Variants in LAS1L observed in about 807,000 individuals in gnomAD.
The protein encoded by LAS1L is LAS1 like ribosome biogenesis factor, also known as ribosomal biogenesis protein LAS1L.
LAS1L carries 5 observed loss-of-function variants against 57.3 expected under a neutral mutation model. That is an observed-to-expected ratio of 0.09 (90% CI 0.05 to 0.18). The LOEUF is 0.18. Among genes scored for constraint, LAS1L ranks in the 10% least tolerant of loss-of-function variants. LAS1L has a pLI of 1.00. For synonymous variants in LAS1L, 245 were observed against 231.7 expected, an observed-to-expected ratio of 1.06 and a Z score of -0.52; for missense variants, 360 against 568.3, an observed-to-expected ratio of 0.63 and a Z score of 3.73.
chrX:65,534,267 C>A (rs985056236), intron 1 of LAS1L, among the ~76,000 whole-genome samples: 36 of 112,303 alleles, frequency 3.2e-4, no homozygotes, highest in Non-Finnish European at 6.4e-4. Flanking sequence ...ACAGATATAA[C>A]AAGAGAATTG....
intron 6 of LAS1L, among the ~76,000 whole-genome samples, chrX:65,528,901 C>T (rs1348952555): frequency 8.9e-6 from 1 of 112,167 alleles, no homozygotes; most frequent in African/African-American, 3.2e-5. Flanking sequence ...TCTTGGGCCC[C>T]ATCTACTGGT....
chrX:65,514,420 C>T (rs1027358941), intron 13 of LAS1L, among the ~76,000 whole-genome samples: 1 of 110,538 alleles, frequency 9.0e-6, no homozygotes, highest in Non-Finnish European at 1.9e-5. Flanking sequence ...TCCTCAGTAA[C>T]GTGAAAAAGC....
At position 65,512,757 on chromosome X, in the gene LAS1L, T is replaced by C; in HGVS notation, c.*18A>G. On this transcript the variant is annotated 3_prime_UTR_variant, in exon 14 of 14. Coordinates refer to ENST00000374811, the MANE Select transcript of LAS1L (RefSeq NM_031206.7). Reference sequence around the variant, plus strand: ...TGCCCTGGCACGGCTGGATGAACACTTGCACCAGGGATGGCCATCAGAAGA... The same window carrying C: ...TGCCCTGGCACGGCTGGATGAACACCTGCACCAGGGATGGCCATCAGAAGA... The C allele has an allele frequency of 1.7e-6, 2 of 1,163,514 alleles. No homozygotes were observed. The highest frequency in any genetic ancestry group is 2.3e-6 in the Non-Finnish European group (2 of 870,029).
At chrX:65,530,122 AAC>A (rs1275459715) in intron 4 of LAS1L, among the ~76,000 whole-genome samples, 1 of 113,061 alleles carries the variant, frequency 8.8e-6, no homozygotes, top group East Asian at 2.8e-4. Context: ...AGATGCCAAA[AAC>A]AGTTAAGGGG....
At chrX:65,518,876 T>C in intron 11 of LAS1L, 1 of 754,537 alleles carries the variant, frequency 1.3e-6, no homozygotes, top group Non-Finnish European at 1.6e-6. Context: ...ATCCCTCTCT[T>C]CTCTGGCCTA....
chrX:65,515,506 A>G (rs748456045), intron 12 of LAS1L, among the ~76,000 whole-genome samples: 5 of 110,237 alleles, frequency 4.5e-5, no homozygotes, highest in Non-Finnish European at 9.5e-5. Flanking sequence ...TGAATACCAC[A>G]TATTTTCTTA....
intron 13 of LAS1L, among the ~76,000 whole-genome samples, chrX:65,513,242 A>T (rs902244231): frequency 1.8e-5 from 2 of 112,537 alleles, no homozygotes; most frequent in Admixed American, 9.3e-5. Context: ...TAGCTGCCTT[A>T]ACAGGACATC....
intron 7 of LAS1L, among the ~76,000 whole-genome samples, chrX:65,526,306 A>G (rs767968477): frequency 9.0e-6 from 1 of 111,649 alleles, no homozygotes; most frequent in South Asian, 3.8e-4. Flanking sequence ...CCAAGCCTAG[A>G]CGTGGAAAAA....
chrX:65,531,330 T>A, intron 4 of LAS1L, 27 bp downstream of exon 4: 1 of 1,127,385 alleles, frequency 8.9e-7, no homozygotes, highest in South Asian at 1.8e-5. Flanking sequence ...GGCTTAACTG[T>A]GATAGGTATA....
At chrX:65,523,065 G>A (rs1261762323) in intron 11 of LAS1L, 2 of 113,078 alleles carry the variant, frequency 1.8e-5, no homozygotes, top group Non-Finnish European at 3.7e-5. Flanking sequence ...GAGACTCACA[G>A]GAGGTATGGC....
intron 12 of LAS1L, among the ~76,000 whole-genome samples, chrX:65,517,005 C>T (rs899962522): frequency 1.4e-4 from 16 of 110,971 alleles, no homozygotes; most frequent in African/African-American, 4.9e-4. Flanking sequence ...ACACAGACAC[C>T]ACACTGTTCT....
At chrX:65,528,475 G>T (rs1296154357) in intron 6 of LAS1L, 106 bp from the exon 7 acceptor site, 11 of 476,533 alleles carry the variant, frequency 2.3e-5, no homozygotes, top group Non-Finnish European at 3.6e-5. Context: ...CCCTGCAGGG[G>T]ACAGGGCAGG....
chrX:65,533,198 G>A (rs186447534), intron 2 of LAS1L, among the ~76,000 whole-genome samples: 135 of 110,786 alleles, frequency 1.2e-3, no homozygotes, highest in Admixed American at 2.4e-3. Flanking sequence ...AGGGGAAAAG[G>A]GTAGTGCTAG....
rs765773904 is a variant in LAS1L, at chrX:65,534,671, C to T, written c.45G>A (p.Gly15=). 8.4e-7 allele frequency: 1 copy of T among 1,185,615 alleles called. No individual in the cohort carries two copies. The highest frequency in any genetic ancestry group is 3.1e-5 in the East Asian group (1 of 32,028). ...SGAGPGLGSQ[G]MDLVWSAWYG... is the part of the protein sequence containing the mutation. The stretch of plus-strand genomic sequence containing the variant: ...ACCACGCACTCCACACGAGATCCAT[C>T]CCCTGGGAACCTAGACCTGGCCCGG... Residue 15 remains glycine (G), a synonymous_variant, in exon 1 of 14, where the codon GGG becomes GGA. Transcript: ENST00000374811.
chrX:65,521,574 G>A (rs1051342054), intron 11 of LAS1L: 6 of 112,029 alleles, frequency 5.4e-5, no homozygotes, highest in African/African-American at 1.6e-4. Flanking sequence ...GTTGAGATGG[G>A]GACTGAGACG....
At position 65,518,140 on chromosome X, in the gene LAS1L, C is replaced by T; in HGVS notation, c.1774G>A (p.Glu592Lys). The T allele has an allele frequency of 8.3e-7, 1 of 1,199,473 alleles. No individual in the cohort carries two copies. Among genetic ancestry groups the T allele is most frequent in the Non-Finnish European group, 1.1e-6 (1 of 884,274 alleles). The change falls in exon 12 of 14, where the codon GAG (glutamate) becomes AAG (lysine). Residue 592 changes from glutamate to lysine, a missense_variant. Glu to Lys is a moderately conservative substitution (Grantham distance 56). Around this residue, in one of 7 missense-constraint regions of LAS1L, gnomAD observed 123 missense variants for 168.3 expected, o/e 0.73. Transcript: ENST00000374811. ...TCATCTTCATCATCTTCATCCTCCT[C>T]TTCCTCCTCTTGGTCATCATTTTCT... The part of the protein sequence containing the change: ...EEENDDQEEE[E>K]EDEDDEDDEE...
chrX:65,522,714 T>C (rs1395660073), intron 11 of LAS1L: 1 of 110,967 alleles, frequency 9.0e-6, no homozygotes, highest in South Asian at 3.8e-4. Flanking sequence ...GATGCAAGGG[T>C]GAGAACTAGA....
intron 12 of LAS1L, among the ~76,000 whole-genome samples, chrX:65,517,250 C>CTTTT (rs397895342): frequency 1.1e-4 from 9 of 83,313 alleles, no homozygotes; most frequent in African/African-American, 1.5e-4. Flanking sequence ...TTCTTTCTTT[C>CTTTT]TTTTTTTTTT....
At chrX:65,523,921 G>A in intron 10 of LAS1L, 135 bp downstream of exon 10, 2 of 720,385 alleles carry the variant, frequency 2.8e-6, no homozygotes, top group Non-Finnish European at 4.1e-6. Flanking sequence ...GCTGCCGTGG[G>A]GCCCTCTTGG....
Sources: gnomAD v4.1 joint callset for allele counts (sites outside exome capture counted in the v4.1 genomes callset) on GRCh38, gnomAD v4.1.1 for gene constraint, gnomAD v4.1.1 regional missense constraint, MANE v1.5 for transcripts, NCBI Gene and HGNC (gene_info 2026-07-23, HGNC 2026-07-21) for gene names.